LZTFL1: variants seen among roughly 807,000 people sequenced by gnomAD.
LZTFL1 encodes leucine zipper transcription factor-like protein 1.
Under a neutral mutation model 45.9 loss-of-function variants are expected in LZTFL1, and 25 were observed. The ratio of observed to expected loss-of-function variants is 0.54; its 90% CI spans 0.40 to 0.76. The LOEUF is 0.76. Among genes scored for constraint, LZTFL1 ranks in the 30% least tolerant of loss-of-function variants. LZTFL1 has a pLI of 0.00. For missense variants in LZTFL1, 277 were observed against 331.1 expected (o/e 0.84, Z 1.27); for synonymous variants, 93 against 117.4 (o/e 0.79, Z 1.35).
intron 4 of LZTFL1, among the ~76,000 whole-genome samples, chr3:45,848,252 C>T (rs139176947): frequency 3.3e-5 from 5 of 152,322 alleles, no homozygotes; most frequent in South Asian, 2.1e-4. Context: ...GATGCAGTGA[C>T]GCCTTCATGA....
At chr3:45,887,719 GC>G (rs1424987304) in intron 2 of LZTFL1, among the ~76,000 whole-genome samples, 2 of 152,228 alleles carry the variant, frequency 1.3e-5, no homozygotes, top group Non-Finnish European at 2.9e-5. Context: ...CTGTTCTGAA[GC>G]CTCTTTGTGT....
intron 2 of LZTFL1, among the ~76,000 whole-genome samples, chr3:45,875,551 G>C (rs1166761752): frequency 6.6e-6 from 1 of 152,204 alleles, no homozygotes; most frequent in Non-Finnish European, 1.5e-5. Context: ...GCCAGGTGCA[G>C]TGGCACACGC....
At chr3:45,896,362 C>T (rs1702355354) in intron 2 of LZTFL1, among the ~76,000 whole-genome samples, 1 of 152,310 alleles carries the variant, frequency 6.6e-6, no homozygotes, top group Admixed American at 6.5e-5. Flanking sequence ...AGGAGTCTGG[C>T]GCCATCTAAA....
At chr3:45,904,990 T>C (rs1488585246) in intron 2 of LZTFL1, among the ~76,000 whole-genome samples, 2 of 152,230 alleles carry the variant, frequency 1.3e-5, no homozygotes, top group African/African-American at 4.8e-5. Context: ...CGGAGGGTTC[T>C]TCTCCTATAC....
chr3:45,910,545 G>C (rs1235465651), intron 2 of LZTFL1, among the ~76,000 whole-genome samples: 1 of 152,148 alleles, frequency 6.6e-6, no homozygotes, highest in Non-Finnish European at 1.5e-5. Context: ...CAGCTTCCCA[G>C]GCATCAACAA....
Position 45,901,862 on chromosome 3 carries a change from G to T in LZTFL1, c.-215+11258C>A, listed in dbSNP as rs762500309. 4 of 1,609,046 alleles carry T rather than the reference G, an allele frequency of 2.5e-6. No individual in the cohort carries two copies. The highest frequency in any genetic ancestry group is 3.4e-6 in the Non-Finnish European group (4 of 1,175,944). Reference sequence around the variant, plus strand: ...AGGGAAGCTTGAAGCTGTCGTCTATGTTGCTGGAGACAACCTCAGGAGCAC... The same window carrying T: ...AGGGAAGCTTGAAGCTGTCGTCTATTTTGCTGGAGACAACCTCAGGAGCAC... On this transcript the variant is annotated intron_variant, in intron 2 of 4. Coordinates refer to the LZTFL1 transcript ENST00000472635. This position sits in a 1 kb window ranked among gnomAD's most constrained non-coding sequence, Gnocchi z 4.3.
chr3:45,912,390 C>T (rs1256448365), intron 2 of LZTFL1, among the ~76,000 whole-genome samples: 2 of 152,222 alleles, frequency 1.3e-5, no homozygotes, highest in African/African-American at 4.8e-5. Context: ...TGCAGTTCCT[C>T]CCATCCAGAG....
chr3:45,869,071 G>A (rs1701627175), intron 2 of LZTFL1, among the ~76,000 whole-genome samples: 1 of 152,238 alleles, frequency 6.6e-6, no homozygotes, highest in Admixed American at 6.5e-5. Flanking sequence ...AAGGCAGAGT[G>A]TCCCTCAGGC....
upstream of LZTFL1, among the ~76,000 whole-genome samples, chr3:45,845,068 A>T: frequency 6.6e-6 from 1 of 152,220 alleles, no homozygotes; most frequent in Non-Finnish European, 1.5e-5. Context: ...GTTGTGGGGA[A>T]TACCTTCTTG....
chr3:45,896,207 T>G (rs773555984), intron 2 of LZTFL1, among the ~76,000 whole-genome samples: 1 of 152,216 alleles, frequency 6.6e-6, no homozygotes, highest in Admixed American at 6.5e-5. Flanking sequence ...GAAACAGAAG[T>G]AGATGAAGGC....
intron 2 of LZTFL1, among the ~76,000 whole-genome samples, chr3:45,878,516 G>T (rs1701792006): frequency 6.6e-6 from 1 of 151,798 alleles, no homozygotes; most frequent in African/African-American, 2.4e-5. Flanking sequence ...GGGGGATGGG[G>T]CCCATTTCTA....
At chr3:45,827,851 ATTTTTTATATGAAAAAATTTTTAAT>A (rs1225751816) in intron 8 of LZTFL1, among the ~76,000 whole-genome samples, 1 of 151,634 alleles carries the variant, frequency 6.6e-6, no homozygotes, top group Non-Finnish European at 1.5e-5. Context: ...CTTTTTTCCC[ATTTTTTATATGAAAAAATTTTTAAT>A]TTTTTTATAG....
intron 2 of LZTFL1, among the ~76,000 whole-genome samples, chr3:45,860,462 TG>T (rs1430863948): frequency 2.5e-5 from 2 of 81,080 alleles, no homozygotes; most frequent in African/African-American, 4.1e-5. Context: ...ATCTTATAAA[TG>T]CTTTTTTTTT....
At position 45,825,904 on chromosome 3, in the gene LZTFL1, T is replaced by C. The variant is rs1042525829; in HGVS notation, c.*410A>G. Reference sequence around the variant, plus strand: ...ATAACTCTCTTTTTTTGGTAATAACTATCTTTAACAATGCTATTATTTATT... The same window carrying C: ...ATAACTCTCTTTTTTTGGTAATAACCATCTTTAACAATGCTATTATTTATT... On this transcript the variant is annotated 3_prime_UTR_variant, in exon 10 of 10. Transcript: ENST00000296135. The C allele has an allele frequency of 6.1e-6, 1 of 164,016 alleles. No individual in the cohort carries two copies. The highest frequency in any genetic ancestry group is 1.3e-5 in the Non-Finnish European group (1 of 75,970). 10.2% of individuals were successfully genotyped at this position (164,016 alleles called of 1,614,324 possible).
Position 45,833,241 on chromosome 3 carries a change from G to A in LZTFL1, c.385-120C>T. On this transcript the variant is annotated intron_variant, in intron 4 of 9. Coordinates refer to ENST00000296135, the MANE Select transcript of LZTFL1 (RefSeq NM_020347.4). ...TATAAACATATTCACTGCGATGTCA[G>A]TTCCACAGGTGTGGAGATTTCTGTT... The A allele has an allele frequency of 3.9e-5, 27 of 689,572 alleles. No individual in the cohort carries two copies. The South Asian group carries it at 4.3e-4, about 11-fold the overall frequency. The allele number at this position is 689,572 out of a possible 1,614,324, so 42.7% of individuals were successfully genotyped here.
chr3:45,912,948 T>A (rs543350954), intron 2 of LZTFL1, among the ~76,000 whole-genome samples: 234 of 152,276 alleles, frequency 1.5e-3, no homozygotes, highest in African/African-American at 5.2e-3. Flanking sequence ...ATAATAAAGG[T>A]CTGAAGGTCA....
intron 2 of LZTFL1, among the ~76,000 whole-genome samples, chr3:45,867,343 A>C (rs1213158396): frequency 6.6e-6 from 1 of 152,166 alleles, no homozygotes; most frequent in Non-Finnish European, 1.5e-5. Flanking sequence ...GGCAGAGAGT[A>C]AACTTGTAAT....
rs79203204 is a variant in LZTFL1, at chr3:45,909,858, C to G, written c.-215+3262G>C. On this transcript the variant is annotated intron_variant, in intron 2 of 4. Transcript: ENST00000472635. ...TTTCTCTTGTTCAACTTTTGGAAACCAGGAAGTTTCTAAGGACCACAGGAA... is the reference window on the plus strand; with the variant it reads ...TTTCTCTTGTTCAACTTTTGGAAACGAGGAAGTTTCTAAGGACCACAGGAA... 7.5e-3 allele frequency among the ~76,000 whole-genome samples: 1,148 copies of G among 152,282 alleles called. 14 individuals are homozygous for G. Among genetic ancestry groups the G allele is most frequent in the African/African-American group, 0.027 (1,102 of 41,538 alleles).
rs1700795622 is a variant in LZTFL1, at chr3:45,830,894, T to C, written c.600+19A>G. The C allele has an allele frequency of 6.2e-7, 1 of 1,604,102 alleles. No homozygotes were observed. Among genetic ancestry groups the C allele is most frequent in the Non-Finnish European group, 8.5e-7 (1 of 1,171,288 alleles). ...TTCTACTTAGAAAATGTGAGAAAGGTAGCTAAAACTTGTTTCACCTTTTGA... is the reference window on the plus strand; with the variant it reads ...TTCTACTTAGAAAATGTGAGAAAGGCAGCTAAAACTTGTTTCACCTTTTGA... On this transcript the variant is annotated intron_variant, in intron 7 of 9. Coordinates refer to ENST00000296135, the MANE Select transcript of LZTFL1 (RefSeq NM_020347.4).
Sources: allele counts gnomAD v4.1 joint callset (sites outside exome capture counted in the v4.1 genomes callset), GRCh38; gene constraint gnomAD v4.1.1; non-coding constraint Gnocchi (gnomAD v3.1); transcripts MANE v1.5; gene names NCBI Gene and HGNC (gene_info 2026-07-23, HGNC 2026-07-21).